SINHCAF: variants seen among roughly 807,000 people sequenced by gnomAD.
The protein encoded by SINHCAF is SIN3-HDAC complex-associated factor.
A neutral mutation model predicts 25.8 loss-of-function variants in SINHCAF; 3 were observed. That is an observed-to-expected ratio of 0.12 (90% CI 0.05 to 0.30). The LOEUF (loss-of-function observed/expected upper bound fraction) is 0.30, where lower values mean the gene tolerates loss of function less well. Ranked by LOEUF, SINHCAF falls within the 10% of genes least tolerant of loss-of-function variation. SINHCAF has a pLI of 1.00. For synonymous variants in SINHCAF, 70 were observed against 85.5 expected (o/e 0.82, Z 1.00); for missense variants, 121 against 262.3 (o/e 0.46, Z 3.72).
chr12:31,285,414 TACATAC>T (rs1938006161), intron 5 of SINHCAF, among the ~76,000 whole-genome samples: 2 of 43,916 alleles, frequency 4.6e-5, no homozygotes, highest in African/African-American at 7.2e-5. Flanking sequence ...TTTATATATA[TACATAC>T]ACACACACAC....
At chr12:31,288,628 GCGGT>G (rs1201533667) in intron 4 of SINHCAF, among the ~76,000 whole-genome samples, 1 of 73,014 alleles carries the variant, frequency 1.4e-5, no homozygotes, top group Non-Finnish European at 2.4e-5. Context: ...CTAACACCTG[GCGGT>G]AAGTAATAGG....
chr12:31,325,685 G>A lies in SINHCAF; in HGVS notation c.-21+339C>T, dbSNP rs1046684148. The A allele has an allele frequency of 1.1e-5, 2 of 175,594 alleles. No individual in the cohort carries two copies. The highest frequency in any genetic ancestry group is 2.5e-5 in the Non-Finnish European group (2 of 81,472). 10.9% of individuals were successfully genotyped at this position (175,594 alleles called of 1,614,324 possible). A position where few individuals can be genotyped will look rare whatever the true frequency, so the allele number is the denominator to read the frequency against. On this transcript the variant is annotated intron_variant, in intron 1 of 5. Coordinates refer to ENST00000337682, the MANE Select transcript of SINHCAF (RefSeq NM_001135812.2). This position sits in a 1 kb window ranked among gnomAD's most constrained non-coding sequence, Gnocchi z 5.9. ...CTTTCCGCGAGAGAACACTGCGGCG[G>A]AGAAAAGTCATTGTCACCTTCAACG... is the stretch of plus-strand genomic sequence containing the variant.
At chr12:31,301,710 A>C (rs1195606043) in intron 1 of SINHCAF, among the ~76,000 whole-genome samples, 3 of 152,102 alleles carry the variant, frequency 2.0e-5, no homozygotes, top group African/African-American at 4.8e-5. Context: ...ATTAACTGAA[A>C]TTATTTCCAA....
At chr12:31,294,489 T>G (rs1938468371) in intron 3 of SINHCAF, among the ~76,000 whole-genome samples, 1 of 152,174 alleles carries the variant, frequency 6.6e-6, no homozygotes, top group Non-Finnish European at 1.5e-5. Flanking sequence ...ACTTTACACC[T>G]TAATCTCTGA....
In SINHCAF at chr12:31,287,626, T is replaced by G; in HGVS notation, c.506+8A>C. 6.3e-7 allele frequency: 1 copy of G among 1,580,704 alleles called. No homozygotes were observed. Among genetic ancestry groups the G allele is most frequent in the East Asian group, 2.3e-5 (1 of 44,314 alleles). ...TTGCTGGTTAGAGAGATACTTTGTT[T>G]CTTTTACCTTTTCCAGTAAGTGAGA... On this transcript the variant is annotated splice_region_variant and intron_variant, in intron 5 of 5. Transcript: ENST00000337682.
At chr12:31,319,732 A>G (rs1939627638) in intron 1 of SINHCAF, among the ~76,000 whole-genome samples, 1 of 152,180 alleles carries the variant, frequency 6.6e-6, no homozygotes, top group South Asian at 2.1e-4. Context: ...GCAGGAAGTT[A>G]CTAACCAACC....
chr12:31,292,993 C>T (rs1336859649), intron 4 of SINHCAF, among the ~76,000 whole-genome samples: 1 of 152,138 alleles, frequency 6.6e-6, no homozygotes, highest in African/African-American at 2.4e-5. Flanking sequence ...ATATTCCTAA[C>T]CTATTTGGCC....
chr12:31,303,164 G>A (rs995683933), intron 1 of SINHCAF: 30 of 985,274 alleles, frequency 3.0e-5, no homozygotes, highest in African/African-American at 8.7e-5. Context: ...GCCTTTGCAC[G>A]TACACATTCT....
At chr12:31,292,090 G>A (rs921079623) in intron 4 of SINHCAF, among the ~76,000 whole-genome samples, 1 of 152,152 alleles carries the variant, frequency 6.6e-6, no homozygotes, top group African/African-American at 2.4e-5. Flanking sequence ...TAAGACAAAA[G>A]TGAGATATCA....
chr12:31,306,563 T>G (rs1259424367), intron 1 of SINHCAF, among the ~76,000 whole-genome samples: 1 of 152,208 alleles, frequency 6.6e-6, no homozygotes, highest in African/African-American at 2.4e-5. Context: ...GGGTTTCCTT[T>G]AGCGTAGATT....
chr12:31,291,651 C>T (rs1355498907), intron 4 of SINHCAF, among the ~76,000 whole-genome samples: 1 of 152,140 alleles, frequency 6.6e-6, no homozygotes, highest in African/African-American at 2.4e-5. Flanking sequence ...GTAATCCCAG[C>T]TACTCGGGAG....
chr12:31,284,989 T>C (rs184963538), intron 5 of SINHCAF, among the ~76,000 whole-genome samples: 1 of 152,334 alleles, frequency 6.6e-6, no homozygotes, highest in East Asian at 1.9e-4. Flanking sequence ...TGTTGGGATT[T>C]TGACTGCAAT....
At chr12:31,309,213 A>G (rs920105932) in intron 1 of SINHCAF, among the ~76,000 whole-genome samples, 1 of 151,878 alleles carries the variant, frequency 6.6e-6, no homozygotes, top group Non-Finnish European at 1.5e-5. Flanking sequence ...GAAGCACTGG[A>G]TATCTAGGTA....
At chr12:31,314,600 A>ATT (rs562515839) in intron 1 of SINHCAF, among the ~76,000 whole-genome samples, 10 of 147,836 alleles carry the variant, frequency 6.8e-5, no homozygotes, top group Admixed American at 6.8e-4. Flanking sequence ...ACTTCTGAAG[A>ATT]TTTTTTTTTT....
intron 1 of SINHCAF, among the ~76,000 whole-genome samples, chr12:31,312,745 C>T (rs1371175418): frequency 6.6e-6 from 1 of 152,186 alleles, no homozygotes; most frequent in African/African-American, 2.4e-5. Flanking sequence ...TCTTGAGGAA[C>T]TTAAGTTCCT....
intron 1 of SINHCAF, among the ~76,000 whole-genome samples, chr12:31,318,048 C>T (rs1939557332): frequency 6.6e-6 from 1 of 152,138 alleles, no homozygotes; most frequent in African/African-American, 2.4e-5. Flanking sequence ...TTGGTAATGC[C>T]ACCACTGACA....
At chr12:31,302,240 C>G (rs927522364) in intron 1 of SINHCAF, among the ~76,000 whole-genome samples, 5 of 151,972 alleles carry the variant, frequency 3.3e-5, no homozygotes, top group African/African-American at 1.2e-4. Flanking sequence ...TATGAACTGT[C>G]ATTCGTCTTC....
intron 5 of SINHCAF, among the ~76,000 whole-genome samples, chr12:31,287,041 C>CA (rs754112098): frequency 1.6e-4 from 24 of 152,314 alleles, no homozygotes; most frequent in Non-Finnish European, 2.9e-4. Flanking sequence ...CTTGGCCTCT[C>CA]AAAATGCTAG....
chr12:31,286,730 C>T (rs144271107), intron 5 of SINHCAF, among the ~76,000 whole-genome samples: 335 of 151,152 alleles, frequency 2.2e-3, no homozygotes, highest in African/African-American at 7.7e-3. Context: ...CATGTTCAAA[C>T]CAATCTTACA....
Sources: allele counts gnomAD v4.1 joint callset (sites outside exome capture counted in the v4.1 genomes callset), GRCh38; gene constraint gnomAD v4.1.1; non-coding constraint Gnocchi (gnomAD v3.1); transcripts MANE v1.5; gene names NCBI Gene and HGNC (gene_info 2026-07-23, HGNC 2026-07-21).